GALNT13: variants seen among roughly 807,000 people sequenced by gnomAD.
The protein encoded by GALNT13 is UDP-GalNAc:polypeptide N-acetylgalactosaminyltransferase 13.
In GALNT13, 28 loss-of-function variants were observed where a neutral mutation model predicts 64.2. The ratio of observed to expected loss-of-function variants is 0.44; its 90% CI spans 0.32 to 0.60. The LOEUF (loss-of-function observed/expected upper bound fraction) is 0.60, where lower values mean the gene tolerates loss of function less well. GALNT13 is among the 20% of genes least tolerant of loss of function. The pLI is 0.05. For synonymous variants in GALNT13, 214 were observed against 224.6 expected, an observed-to-expected ratio of 0.95 and a Z score of 0.42; for missense variants, 577 against 669.8, an observed-to-expected ratio of 0.86 and a Z score of 1.53.
chr2:153,510,258 C>T, the GALNT13 span, among the ~76,000 whole-genome samples: 12 of 152,158 alleles, frequency 7.9e-5, no homozygotes, highest in Non-Finnish European at 1.8e-4. Context: ...CAAGGGTAAA[C>T]GTTTCTGGGG....
intron 12 of GALNT13, among the ~76,000 whole-genome samples, chr2:154,449,646 G>A (rs528399642): frequency 6.6e-6 from 1 of 151,622 alleles, no homozygotes; most frequent in South Asian, 2.1e-4. Context: ...AAATCATGTT[G>A]ATTTAAAATG....
chr2:153,651,964 T>A, the GALNT13 span, among the ~76,000 whole-genome samples: 1 of 152,290 alleles, frequency 6.6e-6, no homozygotes, highest in South Asian at 2.1e-4. Flanking sequence ...CTTAAGTGAA[T>A]GACCTGTAAG....
At chr2:153,687,106 T>C in the GALNT13 span, among the ~76,000 whole-genome samples, 5 of 151,900 alleles carry the variant, frequency 3.3e-5, no homozygotes, top group Non-Finnish European at 7.4e-5. Flanking sequence ...AGTTTTATTT[T>C]TGTGTGTGTG....
At chr2:153,979,673 C>T (rs890850356) in intron 3 of GALNT13, among the ~76,000 whole-genome samples, 2 of 152,088 alleles carry the variant, frequency 1.3e-5, no homozygotes, top group African/African-American at 4.8e-5. Context: ...TTGTATATAA[C>T]ATCATATGCA....
chr2:153,910,724 A>T (rs777822273), intron 2 of GALNT13, among the ~76,000 whole-genome samples: 1 of 151,990 alleles, frequency 6.6e-6, no homozygotes, highest in Non-Finnish European at 1.5e-5. Flanking sequence ...GTTAATTTCC[A>T]TGTAATTGTA....
At chr2:153,307,139 G>A in the GALNT13 span, among the ~76,000 whole-genome samples, 515 of 152,268 alleles carry the variant, frequency 3.4e-3, 7 homozygotes, top group African/African-American at 0.012. Flanking sequence ...ATTCATGTAT[G>A]TCTTGATTTA....
chr2:154,167,554 C>A (rs373600590), intron 4 of GALNT13, among the ~76,000 whole-genome samples: 4 of 152,160 alleles, frequency 2.6e-5, no homozygotes, highest in Admixed American at 6.5e-5. Flanking sequence ...TAAGCAAAAA[C>A]TTTTCTTTTA....
intron 1 of GALNT13, among the ~76,000 whole-genome samples, chr2:153,899,657 G>A (rs1294477788): frequency 1.3e-5 from 2 of 151,932 alleles, no homozygotes; most frequent in African/African-American, 4.8e-5. Context: ...TATTCAAAAT[G>A]CTTGGTCTGA....
chr2:153,326,868 G>A, the GALNT13 span, among the ~76,000 whole-genome samples: 1 of 152,118 alleles, frequency 6.6e-6, no homozygotes, highest in Non-Finnish European at 1.5e-5. Flanking sequence ...GGTGGATCAT[G>A]AGGTCAGGAG....
intron 9 of GALNT13, among the ~76,000 whole-genome samples, chr2:154,373,916 A>G (rs1527869): frequency 0.49 from 74,035 of 151,940 alleles, 18,598 homozygotes; most frequent in Admixed American, 0.59. Context: ...AAGATTTCAT[A>G]CTTCTGAGTG....
At chr2:153,843,850 T>G in the GALNT13 span, among the ~76,000 whole-genome samples, 1 of 152,298 alleles carries the variant, frequency 6.6e-6, no homozygotes, top group South Asian at 2.1e-4. Flanking sequence ...CATTAAATCT[T>G]AAAGCTCCTA....
the GALNT13 span, among the ~76,000 whole-genome samples, chr2:153,793,586 C>G: frequency 1.3e-5 from 2 of 151,154 alleles, no homozygotes; most frequent in Admixed American, 1.3e-4. Flanking sequence ...AGTTATAGAA[C>G]TGAAACCTAA....
chr2:153,829,484 GACTTATTCACT>G, the GALNT13 span, among the ~76,000 whole-genome samples: 1 of 152,002 alleles, frequency 6.6e-6, no homozygotes, highest in Non-Finnish European at 1.5e-5. Context: ...GATCTCATGA[GACTTATTCACT>G]ACCACAAGAA....
At chr2:153,099,070 G>A in the GALNT13 span, among the ~76,000 whole-genome samples, 2 of 152,154 alleles carry the variant, frequency 1.3e-5, no homozygotes, top group African/African-American at 4.8e-5. Flanking sequence ...CTGAGATTGC[G>A]CCACTGCACT....
At chr2:153,822,090 A>C in the GALNT13 span, among the ~76,000 whole-genome samples, 1 of 152,254 alleles carries the variant, frequency 6.6e-6, no homozygotes, top group East Asian at 1.9e-4. Flanking sequence ...TCAGTAACAA[A>C]ATAAAACAAC....
the GALNT13 span, among the ~76,000 whole-genome samples, chr2:153,418,492 C>T: frequency 6.6e-6 from 1 of 152,088 alleles, no homozygotes; most frequent in Non-Finnish European, 1.5e-5. Context: ...AGTGTCATGT[C>T]ACAGGGGCCA....
At chr2:153,480,623 A>G in the GALNT13 span, among the ~76,000 whole-genome samples, 175 of 152,322 alleles carry the variant, frequency 1.1e-3, 5 homozygotes, top group East Asian at 0.031. Context: ...TATCTTAGTT[A>G]ATGTGGGTAG....
At chr2:153,599,490 T>A in the GALNT13 span, among the ~76,000 whole-genome samples, 1 of 151,978 alleles carries the variant, frequency 6.6e-6, no homozygotes, top group African/African-American at 2.4e-5. Flanking sequence ...ACAATCACTT[T>A]GTATGGGGTA....
chr2:153,526,063 G>T, the GALNT13 span, among the ~76,000 whole-genome samples: 21 of 152,228 alleles, frequency 1.4e-4, no homozygotes, highest in African/African-American at 4.8e-4. Context: ...TACATCTAAA[G>T]TATTGTACTT....
Sources: gnomAD v4.1 joint callset for allele counts (sites outside exome capture counted in the v4.1 genomes callset) on GRCh38, gnomAD v4.1.1 for gene constraint, MANE v1.5 for transcripts, NCBI Gene and HGNC (gene_info 2026-07-23, HGNC 2026-07-21) for gene names.